Variants in SEMA5A observed in about 807,000 individuals in gnomAD.
SEMA5A encodes the protein semaphorin 5A.
SEMA5A carries 55 observed loss-of-function variants against 135.5 expected under a neutral mutation model. The observed-to-expected ratio is 0.41, with a 90% CI of 0.33 to 0.51. The LOEUF (loss-of-function observed/expected upper bound fraction) is 0.51. Among genes scored for constraint, SEMA5A ranks in the 20% least tolerant of loss-of-function variants. SEMA5A has a pLI of 0.37. For synonymous variants in SEMA5A, 580 were observed against 546.5 expected, an observed-to-expected ratio of 1.06 and a Z score of -0.85; for missense variants, 1,290 against 1,419.9, an observed-to-expected ratio of 0.91 and a Z score of 1.47.
At chr5:9,201,135 T>A (rs935607345) in intron 9 of SEMA5A, among the ~76,000 whole-genome samples, 2 of 152,158 alleles carry the variant, frequency 1.3e-5, no homozygotes, top group African/African-American at 4.8e-5. Context: ...TAGTGTAGGA[T>A]CAGCAGCAGC....
At chr5:9,352,387 A>G (rs1040277746) in intron 3 of SEMA5A, among the ~76,000 whole-genome samples, 1 of 152,058 alleles carries the variant, frequency 6.6e-6, no homozygotes, top group Admixed American at 6.6e-5. Flanking sequence ...TCGTCTATCT[A>G]TCTAGAGATC....
intron 10 of SEMA5A, among the ~76,000 whole-genome samples, chr5:9,194,137 G>A (rs974341284): frequency 1.3e-5 from 2 of 152,170 alleles, no homozygotes; most frequent in African/African-American, 4.8e-5. Context: ...TTTTATATCA[G>A]TGATTGCCGC....
chr5:9,117,024 T>G (rs1442664730), intron 15 of SEMA5A, among the ~76,000 whole-genome samples: 1 of 152,226 alleles, frequency 6.6e-6, no homozygotes, highest in Non-Finnish European at 1.5e-5. Context: ...GTCCCTGTTC[T>G]TACTATCCAT....
chr5:9,322,361 T>C (rs992166436), intron 4 of SEMA5A, among the ~76,000 whole-genome samples: 1 of 151,678 alleles, frequency 6.6e-6, no homozygotes, highest in Non-Finnish European at 1.5e-5. Context: ...AGGTATTCAA[T>C]AGGGGAAAGG....
chr5:9,202,763 G>T (rs1029508350), intron 8 of SEMA5A, among the ~76,000 whole-genome samples: 8 of 152,128 alleles, frequency 5.3e-5, no homozygotes, highest in African/African-American at 1.7e-4. Context: ...TGTTTTCATT[G>T]TTGGGAATGA....
chr5:9,525,999 G>A (rs541202173), intron 1 of SEMA5A, among the ~76,000 whole-genome samples: 76 of 152,278 alleles, frequency 5.0e-4, no homozygotes, highest in African/African-American at 1.8e-3. Flanking sequence ...ACACTTTAAA[G>A]ATTTATAGAG....
At chr5:9,059,520 A>C (rs1270430602) in intron 18 of SEMA5A, among the ~76,000 whole-genome samples, 3 of 152,126 alleles carry the variant, frequency 2.0e-5, no homozygotes, top group African/African-American at 7.2e-5. Context: ...TTCATTGATT[A>C]ATTTAAAATG....
At chr5:9,462,336 G>A (rs755332183) in intron 1 of SEMA5A, among the ~76,000 whole-genome samples, 8 of 152,172 alleles carry the variant, frequency 5.3e-5, no homozygotes, top group South Asian at 4.1e-4. Flanking sequence ...AGATGCTGGC[G>A]TGGTTACAGA....
intron 3 of SEMA5A, among the ~76,000 whole-genome samples, chr5:9,338,761 C>T (rs1051435154): frequency 1.3e-4 from 20 of 152,072 alleles, no homozygotes; most frequent in Non-Finnish European, 2.2e-4. Context: ...GTGTGTGATA[C>T]AGGAAAGAAT....
At chr5:9,130,803 G>A (rs1365664223) in intron 13 of SEMA5A, among the ~76,000 whole-genome samples, 1 of 152,152 alleles carries the variant, frequency 6.6e-6, no homozygotes, top group Non-Finnish European at 1.5e-5. Flanking sequence ...CCCCTGCTTT[G>A]GAAAGACGTT....
chr5:9,221,538 G>A (rs920726522), intron 8 of SEMA5A, among the ~76,000 whole-genome samples: 51 of 151,886 alleles, frequency 3.4e-4, no homozygotes, highest in Middle Eastern at 3.4e-3. Flanking sequence ...TCCTGACCTC[G>A]TGATCCGCCC....
chr5:9,464,126 C>T lies in SEMA5A; in HGVS notation c.-174-26274G>A, dbSNP rs557285383. On this transcript the variant is annotated intron_variant, in intron 1 of 22. Transcript: ENST00000382496. ...AAGACACCAGCAGCAGCTCTCCCCA[C>T]CCTGAATGACAACACCAAAAATATC... 2.8e-3 allele frequency among the ~76,000 whole-genome samples: 422 copies of T among 152,272 alleles called. 1 individual carries two copies. Among genetic ancestry groups the T allele is most frequent in the Non-Finnish European group, 4.4e-3 (297 of 68,012 alleles).
chr5:9,160,988 C>T (rs559462973), intron 11 of SEMA5A, among the ~76,000 whole-genome samples: 1 of 152,276 alleles, frequency 6.6e-6, no homozygotes, highest in African/African-American at 2.4e-5. Flanking sequence ...ATTCCAGCCA[C>T]AAGAAATGAC....
intron 16 of SEMA5A, among the ~76,000 whole-genome samples, chr5:9,076,339 C>A (rs186839508): frequency 1.6e-3 from 249 of 151,882 alleles, no homozygotes; most frequent in Middle Eastern, 3.4e-3. Flanking sequence ...CACTTATATG[C>A]CAGAGCCAAA....
intron 12 of SEMA5A, among the ~76,000 whole-genome samples, chr5:9,151,464 G>T (rs1579488420): frequency 6.6e-6 from 1 of 152,186 alleles, no homozygotes; most frequent in African/African-American, 2.4e-5. Flanking sequence ...CCTATTTAGT[G>T]TACTTCTTTA....
chr5:9,472,471 A>G (rs1300691290), intron 1 of SEMA5A, among the ~76,000 whole-genome samples: 3 of 152,216 alleles, frequency 2.0e-5, no homozygotes, highest in Non-Finnish European at 4.4e-5. Context: ...AGTTTTATTG[A>G]GGCTAGAAAG....
At chr5:9,148,361 A>C (rs774276291) in intron 12 of SEMA5A, among the ~76,000 whole-genome samples, 2 of 152,164 alleles carry the variant, frequency 1.3e-5, no homozygotes, top group Non-Finnish European at 2.9e-5. Context: ...CCTGAAACAC[A>C]GAACTGGGGA....
chr5:9,464,408 T>C (rs2126736775), intron 1 of SEMA5A, among the ~76,000 whole-genome samples: 1 of 152,300 alleles, frequency 6.6e-6, no homozygotes, highest in South Asian at 2.1e-4. Flanking sequence ...TGGAAAGAAC[T>C]GTTAAGAAGA....
At chr5:9,438,263 A>G (rs1212412572) in intron 1 of SEMA5A, among the ~76,000 whole-genome samples, 2 of 152,186 alleles carry the variant, frequency 1.3e-5, no homozygotes, top group African/African-American at 4.8e-5. Flanking sequence ...ATGGTACCTT[A>G]TACAATTCAA....
Sources: gnomAD v4.1 joint callset for allele counts (sites outside exome capture counted in the v4.1 genomes callset) on GRCh38, gnomAD v4.1.1 for gene constraint, MANE v1.5 for transcripts, NCBI Gene and HGNC (gene_info 2026-07-23, HGNC 2026-07-21) for gene names.